OR9Q1: variants seen among roughly 807,000 people sequenced by gnomAD.
OR9Q1 encodes the protein olfactory receptor family 9 subfamily Q member 1, also known as olfactory receptor 9Q1.
For missense variants in OR9Q1, 374 were observed against 378.8 expected (o/e 0.99, Z 0.11); for synonymous variants, 153 against 148.6 (o/e 1.03, Z -0.22).
intron 2 of OR9Q1, among the ~76,000 whole-genome samples, chr11:58,071,367 A>G (rs902719016): frequency 6.6e-6 from 1 of 152,164 alleles, no homozygotes; most frequent in Non-Finnish European, 1.5e-5. Context: ...GCATGCCTGT[A>G]GTCCCTGCTA....
intron 1 of OR9Q1, among the ~76,000 whole-genome samples, chr11:58,025,031 C>G (rs772144374): frequency 1.3e-5 from 2 of 152,112 alleles, no homozygotes; most frequent in Non-Finnish European, 2.9e-5. Flanking sequence ...TCTCTCTGAG[C>G]CTTCAGTGAT....
At chr11:58,060,800 T>A (rs1264609219) in intron 2 of OR9Q1, among the ~76,000 whole-genome samples, 3 of 152,140 alleles carry the variant, frequency 2.0e-5, no homozygotes, top group African/African-American at 7.2e-5. Flanking sequence ...GAGCACTTTT[T>A]TTTTTTTGAT....
intron 2 of OR9Q1, among the ~76,000 whole-genome samples, chr11:58,064,408 C>T (rs748912609): frequency 6.6e-6 from 1 of 152,156 alleles, no homozygotes; most frequent in Non-Finnish European, 1.5e-5. Flanking sequence ...GTGTGCCCAG[C>T]CAGAGTATTT....
intron 2 of OR9Q1, among the ~76,000 whole-genome samples, chr11:58,090,413 T>C (rs1231164133): frequency 6.6e-6 from 1 of 152,250 alleles, no homozygotes; most frequent in Non-Finnish European, 1.5e-5. Context: ...CATTTGGTTT[T>C]TGTCATTGGT....
intron 2 of OR9Q1, among the ~76,000 whole-genome samples, chr11:58,106,402 T>C (rs1853840875): frequency 6.6e-6 from 1 of 152,160 alleles, no homozygotes; most frequent in African/African-American, 2.4e-5. Context: ...ATTAACTTCT[T>C]ATTAAACAGA....
chr11:58,180,085 T>C lies in OR9Q1; in HGVS notation c.641T>C (p.Ile214Thr), dbSNP rs142334007. 1.9e-6 allele frequency: 3 copies of C among 1,614,116 alleles called. No homozygotes were observed. The highest frequency in any genetic ancestry group is 2.5e-6 in the Non-Finnish European group (3 of 1,180,044). Residue 214 changes from isoleucine (I) to threonine (T), a missense_variant, in exon 3 of 3, where the codon ATC (isoleucine) becomes ACC (threonine). Coordinates refer to ENST00000335397, the MANE Select transcript of OR9Q1 (RefSeq NM_001005212.4). ...IFVIPASMVV[I>T]LVSYLFIIVA... ...GTCATCCCTGCTTCCATGGTGGTGA[T>C]CTTGGTGTCCTACCTGTTTATCATC...
chr11:58,053,800 T>C (rs1853299852), intron 1 of OR9Q1, among the ~76,000 whole-genome samples: 1 of 151,828 alleles, frequency 6.6e-6, no homozygotes, highest in African/African-American at 2.4e-5. Flanking sequence ...AACATTCTTT[T>C]TCGGAACAGC....
At chr11:58,043,736 G>C (rs533017136) in intron 1 of OR9Q1, among the ~76,000 whole-genome samples, 2 of 152,254 alleles carry the variant, frequency 1.3e-5, no homozygotes, top group South Asian at 4.2e-4. Flanking sequence ...CTGCCTATTT[G>C]TTAGAATTAA....
chr11:58,109,349 T>C (rs1432603782), intron 2 of OR9Q1: 2 of 459,748 alleles, frequency 4.4e-6, no homozygotes, highest in Non-Finnish European at 8.8e-6. Context: ...GCACATATGG[T>C]GAAGAAAGAG....
At chr11:58,053,833 T>G (rs555497166) in intron 1 of OR9Q1, among the ~76,000 whole-genome samples, 1 of 151,996 alleles carries the variant, frequency 6.6e-6, no homozygotes, top group South Asian at 2.1e-4. Flanking sequence ...AAAGGGAGTT[T>G]GCACCAATAT....
intron 2 of OR9Q1, among the ~76,000 whole-genome samples, chr11:58,157,567 AGGAAGGAAGGAAGGAT>A (rs1358825494): frequency 1.3e-5 from 2 of 152,116 alleles, no homozygotes; most frequent in Non-Finnish European, 2.9e-5. Flanking sequence ...AGAGGAAGGA[AGGAAGGAAGGAAGGAT>A]GGAAGGAAGG....
At chr11:58,125,973 G>A (rs1854086768) in intron 2 of OR9Q1, among the ~76,000 whole-genome samples, 1 of 152,158 alleles carries the variant, frequency 6.6e-6, no homozygotes, top group African/African-American at 2.4e-5. Context: ...CCTTAGTCCT[G>A]ATGTCAAGTC....
At chr11:58,036,181 A>G (rs537093376) in intron 1 of OR9Q1, among the ~76,000 whole-genome samples, 9 of 152,350 alleles carry the variant, frequency 5.9e-5, no homozygotes, top group Non-Finnish European at 1.2e-4. Flanking sequence ...CATATAGGAC[A>G]GTGAACTTAA....
intron 2 of OR9Q1, among the ~76,000 whole-genome samples, chr11:58,163,582 C>A (rs1484083702): frequency 6.6e-6 from 1 of 152,218 alleles, no homozygotes; most frequent in Non-Finnish European, 1.5e-5. Flanking sequence ...CTTCTCTGGG[C>A]AGTGCACTTG....
intron 2 of OR9Q1, chr11:58,170,953 C>T (rs1854548956): frequency 6.6e-6 from 1 of 152,072 alleles, no homozygotes; most frequent in Non-Finnish European, 1.5e-5. Flanking sequence ...ATCAAGCCCA[C>T]ACTTAAAGAA....
intron 2 of OR9Q1, chr11:58,118,356 T>C (rs1009469335): frequency 3.8e-5 from 23 of 609,172 alleles, no homozygotes; most frequent in African/African-American, 3.5e-4. Context: ...TTCACCACAA[T>C]TGTAGTTTTT....
At chr11:58,120,853 G>T (rs1341718915) in intron 2 of OR9Q1, among the ~76,000 whole-genome samples, 3 of 132,826 alleles carry the variant, frequency 2.3e-5, no homozygotes, top group Non-Finnish European at 3.2e-5. Context: ...TTTTGACTGA[G>T]TAAATTTGAC....
At chr11:58,094,956 A>G (rs1853716499) in intron 2 of OR9Q1, among the ~76,000 whole-genome samples, 1 of 152,168 alleles carries the variant, frequency 6.6e-6, no homozygotes, top group African/African-American at 2.4e-5. Context: ...GGGATGATAG[A>G]CTCTGACAAA....
chr11:58,099,984 C>T (rs555151095), intron 2 of OR9Q1, among the ~76,000 whole-genome samples: 3 of 152,292 alleles, frequency 2.0e-5, no homozygotes, highest in East Asian at 3.9e-4. Flanking sequence ...CTTATTGACT[C>T]GTAATATTTT....
Sources: allele counts gnomAD v4.1 joint callset (sites outside exome capture counted in the v4.1 genomes callset), GRCh38; gene constraint gnomAD v4.1.1; transcripts MANE v1.5; gene names NCBI Gene and HGNC (gene_info 2026-07-23, HGNC 2026-07-21).